SULT4A1: variants seen among roughly 807,000 people sequenced by gnomAD.
SULT4A1 encodes the protein sulfotransferase family 4A member 1.
A neutral mutation model predicts 35.2 loss-of-function variants in SULT4A1; 11 were observed. The ratio of observed to expected loss-of-function variants is 0.31; its 90% CI spans 0.20 to 0.52. The LOEUF (loss-of-function observed/expected upper bound fraction) is 0.52, where lower values mean the gene tolerates loss of function less well. Ranked by LOEUF, SULT4A1 falls within the 20% of genes least tolerant of loss-of-function variation. The probability of loss-of-function intolerance (pLI) is 0.97; values close to 1 mark genes in which losing one functional copy is unlikely to be tolerated. For missense variants in SULT4A1, 271 were observed against 383.7 expected, an observed-to-expected ratio of 0.71 and a Z score of 2.45; for synonymous variants, 152 against 151.8, an observed-to-expected ratio of 1.00 and a Z score of -0.01.
intron 6 of SULT4A1, chr22:43,826,847 G>A (rs1216864327): frequency 2.0e-6 from 2 of 985,340 alleles, no homozygotes; most frequent in Non-Finnish European, 2.4e-6. Flanking sequence ...TCTGGGCACA[G>A]CCCCCAGCTG....
Position 43,836,068 on chromosome 22 carries a change from C to T in SULT4A1, c.509-2334G>A, listed in dbSNP as rs557212980. 1.4e-4 allele frequency among the ~76,000 whole-genome samples: 22 copies of T among 152,394 alleles called. No individual in the cohort carries two copies. In the East Asian group the frequency reaches 4.0e-3, roughly 28 times the overall value. On this transcript the variant is annotated intron_variant, in intron 4 of 6. Coordinates refer to ENST00000330884, the MANE Select transcript of SULT4A1 (RefSeq NM_014351.4). ...ATGAAGGAAGAATAACAAAACCTCACTGTCCACCCCAGAGAAGACACGGTC... is the reference window on the plus strand; with the variant it reads ...ATGAAGGAAGAATAACAAAACCTCATTGTCCACCCCAGAGAAGACACGGTC...
At chr22:43,853,154 AACACACAACACATGC>A (rs1015080938) in intron 1 of SULT4A1, among the ~76,000 whole-genome samples, 1 of 151,650 alleles carries the variant, frequency 6.6e-6, no homozygotes, top group African/African-American at 2.4e-5. Flanking sequence ...TCCACACACA[AACACACAACACATGC>A]ACACACACCA....
At chr22:43,860,230 G>A (rs1389141651) in intron 1 of SULT4A1, among the ~76,000 whole-genome samples, 1 of 152,172 alleles carries the variant, frequency 6.6e-6, no homozygotes, top group Non-Finnish European at 1.5e-5. Flanking sequence ...GGTGAATGGG[G>A]CACCTGTTAG....
Position 43,862,319 on chromosome 22 carries a change from A to G in SULT4A1, c.64T>C (p.Phe22Leu). 6.4e-7 allele frequency: 1 copy of G among 1,556,866 alleles called. No homozygotes were observed. Among genetic ancestry groups the G allele is most frequent in the Non-Finnish European group, 8.7e-7 (1 of 1,150,196 alleles). ...AAGGGCGGCAGCCGCACGCCATGGA[A>G]CTCGAAGTACTTGCTCTCGAACTCC... ...PGEFESKYFE[F>L]HGVRLPPFCR... The change falls in exon 1 of 7, where the codon TTC (phenylalanine) becomes CTC (leucine). Residue 22 changes from phenylalanine to leucine, a missense_variant. Phe to Leu is a conservative substitution (Grantham distance 22, BLOSUM62 0). This residue lies in a region of SULT4A1 where 164 missense variants were observed against 254.1 expected (regional missense o/e 0.65). Transcript: ENST00000330884.
At chr22:43,857,651 A>G (rs2049417340) in intron 1 of SULT4A1, among the ~76,000 whole-genome samples, 1 of 152,208 alleles carries the variant, frequency 6.6e-6, no homozygotes, top group South Asian at 2.1e-4. Context: ...TACCATATTC[A>G]AAGTGCTGAA....
chr22:43,832,620 A>ACCCCAGGATCACAGTGCACACACCACCCG (rs1442761512), intron 5 of SULT4A1, among the ~76,000 whole-genome samples: 1 of 147,244 alleles, frequency 6.8e-6, no homozygotes, highest in Non-Finnish European at 1.5e-5. Flanking sequence ...ACACACCCCC[A>ACCCCAGGATCACAGTGCACACACCACCCG]CCCCAGGATC....
intron 6 of SULT4A1, chr22:43,828,676 G>T (rs1189526175): frequency 5.3e-6 from 1 of 189,516 alleles, no homozygotes; most frequent in East Asian, 1.3e-4. Flanking sequence ...AAACCCATCA[G>T]CATGCTTTGC....
At chr22:43,839,879 G>A in intron 3 of SULT4A1, 66 bp downstream of exon 3, 1 of 1,467,850 alleles carries the variant, frequency 6.8e-7, no homozygotes, top group Non-Finnish European at 9.4e-7. Flanking sequence ...CATGTGTATT[G>A]CACAGGGACC....
intron 1 of SULT4A1, among the ~76,000 whole-genome samples, chr22:43,852,259 C>T (rs2049349749): frequency 6.6e-6 from 1 of 152,086 alleles, no homozygotes; most frequent in African/African-American, 2.4e-5. Flanking sequence ...CCTCACCCTC[C>T]TGGGTCCAAG....
At chr22:43,838,202 C>A (rs781052774) in intron 4 of SULT4A1, among the ~76,000 whole-genome samples, 2 of 152,210 alleles carry the variant, frequency 1.3e-5, no homozygotes, top group Non-Finnish European at 1.5e-5. Flanking sequence ...CGAGTGGGAC[C>A]AAGACAAGAG....
intron 5 of SULT4A1, among the ~76,000 whole-genome samples, chr22:43,830,707 G>A (rs2063319151): frequency 6.6e-6 from 1 of 152,186 alleles, no homozygotes. Context: ...AGGATGAAGT[G>A]GGAATATACC....
intron 5 of SULT4A1, among the ~76,000 whole-genome samples, chr22:43,831,676 A>G (rs138067): frequency 0.44 from 66,866 of 152,174 alleles, 14,725 homozygotes; most frequent in East Asian, 0.55. Flanking sequence ...GAGCCTCGCC[A>G]TCTGCGCAGA....
At chr22:43,856,494 A>G (rs971504021) in intron 1 of SULT4A1, among the ~76,000 whole-genome samples, 1 of 152,214 alleles carries the variant, frequency 6.6e-6, no homozygotes, top group Non-Finnish European at 1.5e-5. Flanking sequence ...GAGCCTGCAG[A>G]AGACTGCAGC....
At chr22:43,849,520 C>T (rs182407227) in intron 1 of SULT4A1, among the ~76,000 whole-genome samples, 5 of 152,240 alleles carry the variant, frequency 3.3e-5, no homozygotes, top group African/African-American at 4.8e-5. Flanking sequence ...GGTTGGACAT[C>T]GGACAGAAGC....
At chr22:43,844,106 G>A (rs947130437) in intron 1 of SULT4A1, among the ~76,000 whole-genome samples, 1 of 152,216 alleles carries the variant, frequency 6.6e-6, no homozygotes, top group Admixed American at 6.5e-5. Context: ...CAGCCTGTCC[G>A]CCACAGGAGG....
intron 5 of SULT4A1, among the ~76,000 whole-genome samples, chr22:43,830,355 A>C (rs931874027): frequency 6.6e-6 from 1 of 152,258 alleles, no homozygotes; most frequent in African/African-American, 2.4e-5. Context: ...CGTTCAGCAG[A>C]ATCCTCGTGG....
rs376487260 is a variant in SULT4A1 at position 43,849,140 on chromosome 22, G to A, written c.170-7208C>T. Among the ~76,000 whole-genome samples the A allele has an allele frequency of 6.6e-5, 10 of 152,258 alleles. 1 individual carries two copies. Among genetic ancestry groups the A allele is most frequent in the African/African-American group, 1.7e-4 (7 of 41,554 alleles). ...CTAGGGCATGGCCTGTCTCAACACC[G>A]GGCACAGAGCCCATCAAAATTCCCA... On this transcript the variant is annotated intron_variant, in intron 1 of 6. Coordinates refer to ENST00000330884, the MANE Select transcript of SULT4A1 (RefSeq NM_014351.4).
chr22:43,862,126 A>T, intron 1 of SULT4A1, 88 bp downstream of exon 1: 1 of 1,007,464 alleles, frequency 9.9e-7, no homozygotes. Flanking sequence ...CCGGCCCAGC[A>T]GAAGCCCCGG....
intron 5 of SULT4A1, among the ~76,000 whole-genome samples, chr22:43,831,716 A>T (rs1421867916): frequency 2.6e-5 from 4 of 152,264 alleles, no homozygotes; most frequent in Non-Finnish European, 5.9e-5. Flanking sequence ...TGCGAGTTCC[A>T]CACCTGACAG....
Sources: allele counts gnomAD v4.1 joint callset (sites outside exome capture counted in the v4.1 genomes callset), GRCh38; gene constraint gnomAD v4.1.1; regional missense constraint gnomAD v4.1.1; transcripts MANE v1.5; gene names NCBI Gene and HGNC (gene_info 2026-07-23, HGNC 2026-07-21).